The following PRKCE variants were observed in gnomAD, a reference collection of about 807,000 sequenced individuals.
PRKCE encodes protein kinase C epsilon type.
In PRKCE, 16 loss-of-function variants were observed where a neutral mutation model predicts 85.4. The ratio of observed to expected loss-of-function variants is 0.19; its 90% CI spans 0.13 to 0.28. PRKCE has a LOEUF of 0.28. Among genes scored for constraint, PRKCE ranks in the 10% least tolerant of loss-of-function variants. PRKCE has a pLI of 1.00. For synonymous variants in PRKCE, 388 were observed against 371.5 expected (o/e 1.04, Z -0.51); for missense variants, 573 against 975.2 (o/e 0.59, Z 5.49).
At chr2:45,791,824 C>G (rs745741552) in intron 1 of PRKCE, among the ~76,000 whole-genome samples, 1 of 152,158 alleles carries the variant, frequency 6.6e-6, no homozygotes, top group Non-Finnish European at 1.5e-5. Context: ...GTCAGGAGCA[C>G]GGGCTTTGAC....
At chr2:45,835,888 C>A (rs1368093606) in intron 1 of PRKCE, among the ~76,000 whole-genome samples, 1 of 152,148 alleles carries the variant, frequency 6.6e-6, no homozygotes, top group Admixed American at 6.5e-5. Flanking sequence ...AGCCACCGTG[C>A]CCGGTCCTCA....
At chr2:45,950,530 A>T (rs1700548883) in intron 2 of PRKCE, among the ~76,000 whole-genome samples, 1 of 144,896 alleles carries the variant, frequency 6.9e-6, no homozygotes, top group Non-Finnish European at 1.5e-5. Context: ...TGCATGAGGA[A>T]CTCTGGCTGG....
chr2:45,869,114 A>T lies in PRKCE; in HGVS notation c.412+26051A>T, dbSNP rs115750121. Among the ~76,000 whole-genome samples the T allele has an allele frequency of 1.7e-3, 265 of 152,324 alleles. 2 individuals carry two copies. The highest frequency in any genetic ancestry group is 6.2e-3 in the African/African-American group (256 of 41,566). On this transcript the variant is annotated intron_variant, in intron 2 of 14. Coordinates refer to ENST00000306156, the MANE Select transcript of PRKCE (RefSeq NM_005400.3). ...CTTTCTAGGTTCTTTGTGATAGGTG[A>T]TCTACTTTTTAGCTGAATTTAGGAG...
intron 14 of PRKCE, among the ~76,000 whole-genome samples, chr2:46,173,040 A>C (rs1353722575): frequency 6.6e-6 from 1 of 152,238 alleles, no homozygotes; most frequent in Non-Finnish European, 1.5e-5. Context: ...TCTATATTCT[A>C]CCAGGCTCAT....
intron 10 of PRKCE, among the ~76,000 whole-genome samples, chr2:46,081,158 A>G (rs1329107985): frequency 6.6e-5 from 10 of 151,908 alleles, no homozygotes; most frequent in Non-Finnish European, 1.5e-4. Context: ...TGCCTGGCTA[A>G]CTTTTTAATT....
At chr2:45,910,198 G>A (rs773326227) in intron 2 of PRKCE, among the ~76,000 whole-genome samples, 44 of 152,294 alleles carry the variant, frequency 2.9e-4, no homozygotes, top group Middle Eastern at 6.8e-3. Flanking sequence ...TTGCTGTTAA[G>A]AAAAACATCC....
At chr2:46,114,574 C>T (rs960244558) in intron 11 of PRKCE, among the ~76,000 whole-genome samples, 15 of 151,968 alleles carry the variant, frequency 9.9e-5, no homozygotes, top group South Asian at 4.2e-4. Flanking sequence ...CCCGCCACCA[C>T]GCCTGGCTAA....
chr2:46,082,531 C>T (rs897340272), intron 10 of PRKCE, among the ~76,000 whole-genome samples: 3 of 152,088 alleles, frequency 2.0e-5, no homozygotes, highest in African/African-American at 7.2e-5. Flanking sequence ...GTCAGAACCG[C>T]AGTTGGATGA....
At chr2:45,903,356 G>A (rs1186500014) in intron 2 of PRKCE, among the ~76,000 whole-genome samples, 1 of 152,182 alleles carries the variant, frequency 6.6e-6, no homozygotes, top group Non-Finnish European at 1.5e-5. Context: ...CATAGACAGA[G>A]CATCCCCTTT....
chr2:45,965,433 T>C (rs946702691), intron 2 of PRKCE, among the ~76,000 whole-genome samples: 4 of 152,226 alleles, frequency 2.6e-5, no homozygotes, highest in African/African-American at 9.6e-5. Context: ...ACCAGTGAAT[T>C]TATAAAGTCA....
intron 2 of PRKCE, 145 bp from the exon 3 acceptor site, chr2:45,976,284 C>A: frequency 2.2e-6 from 2 of 896,376 alleles, no homozygotes; most frequent in South Asian, 1.6e-5. Context: ...CTCCTCAGAC[C>A]CCCGAGTCCC....
At chr2:46,010,580 C>G in intron 10 of PRKCE, 63 bp downstream of exon 10, 2 of 1,597,010 alleles carry the variant, frequency 1.3e-6, no homozygotes, top group Non-Finnish European at 1.7e-6. Flanking sequence ...GATAAAATAC[C>G]AATTTTAGAC....
Position 46,138,530 on chromosome 2 carries a change from G to A in PRKCE, c.1593-6563G>A, listed in dbSNP as rs547855518. 8.7e-4 allele frequency among the ~76,000 whole-genome samples: 132 copies of A among 152,302 alleles called. 1 individual carries two copies. Among genetic ancestry groups the A allele is most frequent in the African/African-American group, 3.1e-3 (129 of 41,558 alleles). On this transcript the variant is annotated intron_variant, in intron 11 of 14. Coordinates refer to ENST00000306156, the MANE Select transcript of PRKCE (RefSeq NM_005400.3). The surrounding 1 kb of genome is among the most constrained non-coding windows in gnomAD (Gnocchi z 4.2). ...GAATAAAATGGCAGAGGATGTACCA[G>A]GCGAATGCACCCTTTCCTTATAGCC...
chr2:45,703,025 C>CCCG (rs1553382504), intron 1 of PRKCE, among the ~76,000 whole-genome samples: 1 of 151,254 alleles, frequency 6.6e-6, no homozygotes. Flanking sequence ...CTTTTTTCCC[C>CCCG]CCCCGTCAGG....
intron 7 of PRKCE, among the ~76,000 whole-genome samples, chr2:46,002,961 A>G (rs1464532100): frequency 1.3e-5 from 2 of 152,190 alleles, no homozygotes; most frequent in African/African-American, 2.4e-5. Flanking sequence ...CTATATTTAC[A>G]TGGGTTGTCA....
intron 1 of PRKCE, among the ~76,000 whole-genome samples, chr2:45,743,778 T>G (rs1482822282): frequency 6.6e-6 from 1 of 152,190 alleles, no homozygotes; most frequent in Non-Finnish European, 1.5e-5. Flanking sequence ...CACATCCACA[T>G]TAGCAGACTC....
intron 1 of PRKCE, among the ~76,000 whole-genome samples, chr2:45,782,410 C>G (rs1363734631): frequency 6.6e-6 from 1 of 152,150 alleles, no homozygotes; most frequent in Non-Finnish European, 1.5e-5. Flanking sequence ...CACTTCGATT[C>G]TGATCCTCCA....
chr2:46,008,799 T>G lies in PRKCE; in HGVS notation c.1263+1138T>G, dbSNP rs79804027. ...GGGACCTGAACAGGATGTGGTCTAATTTTGAGCAAGACTCCGAGATTCTAG... is the reference window on the plus strand; with the variant it reads ...GGGACCTGAACAGGATGTGGTCTAAGTTTGAGCAAGACTCCGAGATTCTAG... On this transcript the variant is annotated intron_variant, in intron 9 of 14. Coordinates refer to ENST00000306156, the MANE Select transcript of PRKCE (RefSeq NM_005400.3). Among the ~76,000 whole-genome samples, 456 of 152,366 alleles carry G rather than the reference T, an allele frequency of 3.0e-3. 1 individual carries two copies. Among genetic ancestry groups the G allele is most frequent in the African/African-American group, 0.01 (423 of 41,588 alleles).
chr2:46,080,969 G>A lies in PRKCE; in HGVS notation c.1438-5239G>A, dbSNP rs865817698. Among the ~76,000 whole-genome samples the A allele has an allele frequency of 5.4e-3, 433 of 80,406 alleles. 3 individuals carry two copies. Among genetic ancestry groups the A allele is most frequent in the African/African-American group, 0.033 (421 of 12,766 alleles). 52.7% of individuals were successfully genotyped at this position (80,406 alleles called of 152,430 possible). A position where few individuals can be genotyped will look rare whatever the true frequency, so the allele number is the denominator to read the frequency against. On this transcript the variant is annotated intron_variant, in intron 10 of 14. Transcript: ENST00000306156. ...CTAAGCAGTAAGAATTTGCAGTTATGCATACACACACACACACACACACAC... is the reference window on the plus strand; with the variant it reads ...CTAAGCAGTAAGAATTTGCAGTTATACATACACACACACACACACACACAC...
Sources: allele counts gnomAD v4.1 joint callset (sites outside exome capture counted in the v4.1 genomes callset), GRCh38; gene constraint gnomAD v4.1.1; non-coding constraint Gnocchi (gnomAD v3.1); transcripts MANE v1.5; gene names NCBI Gene and HGNC (gene_info 2026-07-23, HGNC 2026-07-21).